The following SNX9 variants were observed in gnomAD, a reference collection of about 807,000 sequenced individuals.
SNX9 encodes the protein sorting nexin-9.
Under a neutral mutation model 89.4 loss-of-function variants are expected in SNX9, and 44 were observed. The observed-to-expected ratio is 0.49, with a 90% CI of 0.39 to 0.63. SNX9 has a LOEUF of 0.63. Ranked by LOEUF, SNX9 falls within the 30% of genes least tolerant of loss-of-function variation. SNX9 has a pLI of 0.00. For missense variants in SNX9, 578 were observed against 736.1 expected (o/e 0.79, Z 2.49); for synonymous variants, 236 against 247.8 (o/e 0.95, Z 0.45).
chr6:157,893,904 G>C (rs1264082625), intron 4 of SNX9, among the ~76,000 whole-genome samples: 3 of 152,018 alleles, frequency 2.0e-5, no homozygotes, highest in African/African-American at 7.2e-5. Flanking sequence ...GTTTTTCTAT[G>C]AAAGTGTGGT....
At chr6:157,932,760 G>A (rs1359514365) in intron 13 of SNX9, among the ~76,000 whole-genome samples, 6 of 151,148 alleles carry the variant, frequency 4.0e-5, no homozygotes, top group African/African-American at 1.5e-4. Flanking sequence ...GCAACTATTT[G>A]GGAGGCTGAG....
chr6:157,925,446 C>A (rs1365268104), intron 10 of SNX9, among the ~76,000 whole-genome samples: 4 of 151,856 alleles, frequency 2.6e-5, no homozygotes, highest in Non-Finnish European at 5.9e-5. Flanking sequence ...GAAGTTGAAC[C>A]CTCTCATATG....
At chr6:157,940,325 G>A (rs1285075028) in intron 16 of SNX9, among the ~76,000 whole-genome samples, 1 of 152,236 alleles carries the variant, frequency 6.6e-6, no homozygotes, top group African/African-American at 2.4e-5. Context: ...CTGCATTTGG[G>A]TGATTTATCT....
At chr6:157,925,876 C>T (rs1033613816) in intron 10 of SNX9, among the ~76,000 whole-genome samples, 4 of 150,950 alleles carry the variant, frequency 2.6e-5, no homozygotes, top group African/African-American at 7.4e-5. Context: ...CTCACAGTTA[C>T]GGAGGCTGGA....
chr6:157,854,494 ATTCTAATTGC>A (rs1462681999), intron 1 of SNX9, among the ~76,000 whole-genome samples: 1 of 152,240 alleles, frequency 6.6e-6, no homozygotes, highest in Admixed American at 6.5e-5. Context: ...ATATACTGTG[ATTCTAATTGC>A]TTCTGTGCAT....
chr6:157,871,544 G>A (rs978787873), intron 2 of SNX9, among the ~76,000 whole-genome samples: 4 of 152,080 alleles, frequency 2.6e-5, no homozygotes, highest in Non-Finnish European at 5.9e-5. Context: ...GGGAGGAGGG[G>A]GGAGGGATAG....
intron 9 of SNX9, among the ~76,000 whole-genome samples, chr6:157,916,529 C>T (rs987421650): frequency 2.0e-5 from 3 of 152,222 alleles, no homozygotes; most frequent in African/African-American, 7.2e-5. Flanking sequence ...AGCATTCAGT[C>T]TTTCACCATT....
chr6:157,850,112 A>AG (rs1269213656), intron 1 of SNX9, among the ~76,000 whole-genome samples: 4 of 152,128 alleles, frequency 2.6e-5, no homozygotes, highest in Non-Finnish European at 4.4e-5. Context: ...TGGAGGGGCG[A>AG]GGGGAGGAGA....
intron 1 of SNX9, among the ~76,000 whole-genome samples, chr6:157,832,989 C>A (rs573341743): frequency 6.6e-6 from 1 of 152,296 alleles, no homozygotes; most frequent in South Asian, 2.1e-4. Flanking sequence ...CCCAGATATT[C>A]AGTTCAGCAG....
rs143668501 is a variant in SNX9 at position 157,921,417 on chromosome 6, A to C, written c.950-114A>C. ...AATCTCCATGGTTTACCTTTTGCTA[A>C]ATAGCTTTCTACCCAATAGCCAGTA... On this transcript the variant is annotated intron_variant, in intron 9 of 17. Coordinates refer to ENST00000392185, the MANE Select transcript of SNX9 (RefSeq NM_016224.5). 1.1e-4 allele frequency: 120 copies of C among 1,081,184 alleles called. 1 individual carries two copies. In the Middle Eastern group the frequency reaches 2.6e-3, roughly 23 times the overall value. The allele number at this position is 1,081,184 out of a possible 1,614,324, so 67.0% of individuals were successfully genotyped here.
intron 9 of SNX9, among the ~76,000 whole-genome samples, chr6:157,914,463 CTTTTTCTT>C (rs1783416943): frequency 1.0e-5 from 1 of 96,630 alleles, no homozygotes; most frequent in African/African-American, 4.4e-5. Flanking sequence ...TTGTCATTTT[CTTTTTCTT>C]TTTTTTTTTT....
intron 4 of SNX9, among the ~76,000 whole-genome samples, chr6:157,881,195 A>G (rs915286517): frequency 4.6e-5 from 7 of 152,156 alleles, no homozygotes; most frequent in African/African-American, 9.7e-5. Flanking sequence ...AATTCTTGCA[A>G]TGTTTCATAC....
At chr6:157,857,109 C>T (rs1299691810) in intron 1 of SNX9, among the ~76,000 whole-genome samples, 1 of 152,052 alleles carries the variant, frequency 6.6e-6, no homozygotes, top group Non-Finnish European at 1.5e-5. Context: ...TAATGATGAC[C>T]AATTAGTTTT....
At chr6:157,925,777 A>ACTCT (rs1298209906) in intron 10 of SNX9, among the ~76,000 whole-genome samples, 1 of 152,080 alleles carries the variant, frequency 6.6e-6, no homozygotes, top group Non-Finnish European at 1.5e-5. Context: ...CGTAGGTGGT[A>ACTCT]AAACTCTAAA....
At chr6:157,936,342 A>C (rs1379978484) in intron 14 of SNX9, among the ~76,000 whole-genome samples, 1 of 152,140 alleles carries the variant, frequency 6.6e-6, no homozygotes, top group African/African-American at 2.4e-5. Context: ...CCTGGGCAAC[A>C]CAGTGAACCC....
chr6:157,827,975 A>G (rs1562586828), intron 1 of SNX9, among the ~76,000 whole-genome samples: 2 of 152,040 alleles, frequency 1.3e-5, no homozygotes, highest in Non-Finnish European at 2.9e-5. Flanking sequence ...ATGGTAGGGA[A>G]TAAATGAATT....
intron 1 of SNX9, among the ~76,000 whole-genome samples, chr6:157,828,751 A>G (rs762290277): frequency 2.0e-5 from 3 of 152,168 alleles, no homozygotes; most frequent in Admixed American, 6.5e-5. Flanking sequence ...TTGGGATTAC[A>G]GGTTTGAGAC....
At chr6:157,868,812 T>C (rs1345019051) in intron 2 of SNX9, among the ~76,000 whole-genome samples, 1 of 152,218 alleles carries the variant, frequency 6.6e-6, no homozygotes, top group Non-Finnish European at 1.5e-5. Flanking sequence ...GAATTTGTCT[T>C]TGTAAACTGA....
intron 6 of SNX9, among the ~76,000 whole-genome samples, 185 bp from the exon 7 acceptor site, chr6:157,905,942 CT>C (rs920641664): frequency 5.3e-5 from 8 of 152,196 alleles, no homozygotes; most frequent in African/African-American, 1.7e-4. Context: ...CCAGATCAAG[CT>C]TAATTAAATG....
Sources: gnomAD v4.1 joint callset for allele counts (sites outside exome capture counted in the v4.1 genomes callset) on GRCh38, gnomAD v4.1.1 for gene constraint, MANE v1.5 for transcripts, NCBI Gene and HGNC (gene_info 2026-07-23, HGNC 2026-07-21) for gene names.